UCHL3: variants seen among roughly 807,000 people sequenced by gnomAD.
The protein encoded by UCHL3 is ubiquitin carboxyl-terminal hydrolase isozyme L3.
In UCHL3, 22 loss-of-function variants were observed where a neutral mutation model predicts 35.8. That is an observed-to-expected ratio of 0.61 (90% CI 0.44 to 0.88). The LOEUF (loss-of-function observed/expected upper bound fraction) is 0.88. Ranked by LOEUF, UCHL3 falls within the 40% of genes least tolerant of loss-of-function variation. The pLI is 0.00. For synonymous variants in UCHL3, 90 were observed against 92.8 expected (o/e 0.97, Z 0.17); for missense variants, 229 against 276.9 (o/e 0.83, Z 1.23).
intron 7 of UCHL3, among the ~76,000 whole-genome samples, chr13:75,595,408 ACCAACATGGAGAAACC>A (rs1158923003): frequency 6.6e-6 from 1 of 151,532 alleles, no homozygotes; most frequent in Admixed American, 6.6e-5. Context: ...GATCAGCCTG[ACCAACATGGAGAAACC>A]CCATCTCTAC....
chr13:75,596,280 G>A (rs1029157662), intron 7 of UCHL3, among the ~76,000 whole-genome samples: 9 of 152,226 alleles, frequency 5.9e-5, no homozygotes, highest in Non-Finnish European at 1.3e-4. Context: ...TACAATACTA[G>A]AGTGATTTGA....
intron 5 of UCHL3, 68 bp downstream of exon 5, chr13:75,567,380 G>T: frequency 7.2e-7 from 1 of 1,396,498 alleles, no homozygotes; most frequent in South Asian, 1.2e-5. Context: ...TGTGTTTGGG[G>T]GTTTTGTCTT....
chr13:75,561,783 G>A (rs2031504301), intron 3 of UCHL3, among the ~76,000 whole-genome samples: 1 of 139,442 alleles, frequency 7.2e-6, no homozygotes, highest in South Asian at 2.3e-4. Context: ...ATGTTTCTGT[G>A]TGTGTGTATA....
intron 6 of UCHL3, among the ~76,000 whole-genome samples, chr13:75,577,104 G>A (rs971503532): frequency 1.3e-5 from 2 of 152,144 alleles, no homozygotes; most frequent in Non-Finnish European, 2.9e-5. Flanking sequence ...TTAGCCAGAT[G>A]TGGTGGCATG....
intron 6 of UCHL3, 22 bp downstream of exon 6, chr13:75,569,529 T>G: frequency 6.3e-7 from 1 of 1,598,646 alleles, no homozygotes; most frequent in South Asian, 1.1e-5. Flanking sequence ...TTTTTCTAAA[T>G]TTTTCTTGCT....
At chr13:75,561,131 C>T (rs954892720) in intron 3 of UCHL3, among the ~76,000 whole-genome samples, 5 of 152,110 alleles carry the variant, frequency 3.3e-5, no homozygotes, top group African/African-American at 1.2e-4. Flanking sequence ...GACAGGGCCT[C>T]ACCGTGTTGC....
chr13:75,571,077 A>C lies in UCHL3; in HGVS notation c.474+1570A>C, dbSNP rs1445305896. 5.9e-5 allele frequency among the ~76,000 whole-genome samples: 9 copies of C among 152,188 alleles called. No individual in the cohort carries two copies. In the South Asian group the frequency reaches 1.0e-3, roughly 17 times the overall value. The stretch of plus-strand genomic sequence containing the variant: ...ATGCTGTTTTGTATTGCTTTATATG[A>C]TCCTGAACATATTCATAATCTTCAC... On this transcript the variant is annotated intron_variant, in intron 6 of 8. Coordinates refer to ENST00000377595, the MANE Select transcript of UCHL3 (RefSeq NM_006002.5).
chr13:75,600,138 G>A (rs2032742021), intron 7 of UCHL3, among the ~76,000 whole-genome samples: 1 of 152,216 alleles, frequency 6.6e-6, no homozygotes, highest in Admixed American at 6.5e-5. Context: ...GAGAGGTGAG[G>A]AAGCTACAGA....
chr13:75,575,417 G>A (rs1340190743), intron 6 of UCHL3, among the ~76,000 whole-genome samples: 1 of 152,218 alleles, frequency 6.6e-6, no homozygotes, highest in Non-Finnish European at 1.5e-5. Context: ...ATTAGTGGCA[G>A]AGAGTGTTTT....
intron 7 of UCHL3, among the ~76,000 whole-genome samples, chr13:75,602,313 C>T (rs1315065592): frequency 6.6e-6 from 1 of 152,134 alleles, no homozygotes; most frequent in East Asian, 1.9e-4. Flanking sequence ...TCTGTTGTCA[C>T]CTTTCTCTGG....
chr13:75,576,469 C>G (rs2032027845), intron 6 of UCHL3, among the ~76,000 whole-genome samples: 1 of 146,120 alleles, frequency 6.8e-6, no homozygotes. Flanking sequence ...GACCTCGTGC[C>G]TCAGCCTCCC....
At chr13:75,599,424 C>T (rs181492160) in intron 7 of UCHL3, among the ~76,000 whole-genome samples, 2 of 152,204 alleles carry the variant, frequency 1.3e-5, no homozygotes, top group East Asian at 3.9e-4. Context: ...ACATATATTT[C>T]ATTTTTTACA....
rs1215333452 is a variant in UCHL3, at chr13:75,563,127, T to TTATGTATG, written c.183+2278_183+2285dup. On this transcript the variant is annotated intron_variant, in intron 3 of 8. Transcript: ENST00000377595. ...ACTGTCATGGGTACCTCATTATCCTTTATGTATGTATGTATGTATGTATGT... is the reference window on the plus strand; with the variant it reads ...ACTGTCATGGGTACCTCATTATCCTTTATGTATGTATGTATGTATGTATGTATGTATGT... 7.7e-3 allele frequency among the ~76,000 whole-genome samples: 437 copies of TTATGTATG among 56,406 alleles called. 1 individual carries two copies. Among genetic ancestry groups the TTATGTATG allele is most frequent in the East Asian group, 0.045 (57 of 1,272 alleles). The allele number at this position is 56,406 out of a possible 152,430, so 37.0% of individuals were successfully genotyped here. A position where few individuals can be genotyped will look rare whatever the true frequency, so the allele number is the denominator to read the frequency against.
intron 6 of UCHL3, among the ~76,000 whole-genome samples, chr13:75,589,221 G>T (rs1458819625): frequency 6.6e-6 from 1 of 152,056 alleles, no homozygotes; most frequent in Non-Finnish European, 1.5e-5. Flanking sequence ...ACCCATTTGT[G>T]CTCTGATTCC....
At chr13:75,568,861 T>C (rs1382147800) in intron 5 of UCHL3, among the ~76,000 whole-genome samples, 1 of 152,174 alleles carries the variant, frequency 6.6e-6, no homozygotes, top group Non-Finnish European at 1.5e-5. Flanking sequence ...CAAATTGCTA[T>C]TTATAAAGAT....
intron 7 of UCHL3, 132 bp from the exon 8 acceptor site, chr13:75,604,637 T>C (rs1027730164): frequency 2.0e-5 from 10 of 505,542 alleles, no homozygotes; most frequent in Admixed American, 4.2e-5. Context: ...TTAAAACATT[T>C]GTTTTAGGAT....
At chr13:75,592,425 T>TAC (rs1566227830) in intron 6 of UCHL3, among the ~76,000 whole-genome samples, 2 of 63,450 alleles carry the variant, frequency 3.2e-5, no homozygotes, top group Non-Finnish European at 6.6e-5. Context: ...CATATATATA[T>TAC]ATATATATAT....
chr13:75,576,929 AC>A (rs1458916164), intron 6 of UCHL3, among the ~76,000 whole-genome samples: 7 of 152,176 alleles, frequency 4.6e-5, no homozygotes, highest in African/African-American at 1.7e-4. Flanking sequence ...TGGGTTCCTT[AC>A]TTGTGGATTC....
chr13:75,586,665 A>G (rs1566224637), intron 6 of UCHL3, among the ~76,000 whole-genome samples: 1 of 152,002 alleles, frequency 6.6e-6, no homozygotes, highest in Non-Finnish European at 1.5e-5. Context: ...TTTAATTTAT[A>G]CAAAGAATGT....
Sources: gnomAD v4.1 joint callset for allele counts (sites outside exome capture counted in the v4.1 genomes callset) on GRCh38, gnomAD v4.1.1 for gene constraint, MANE v1.5 for transcripts, NCBI Gene and HGNC (gene_info 2026-07-23, HGNC 2026-07-21) for gene names.